Variants in STK38L observed in about 807,000 individuals in gnomAD.
STK38L encodes serine/threonine kinase 38 like.
Under a neutral mutation model 59.7 loss-of-function variants are expected in STK38L, and 28 were observed. The observed-to-expected ratio is 0.47, with a 90% CI of 0.35 to 0.64. The LOEUF is 0.64. Among genes scored for constraint, STK38L ranks in the 30% least tolerant of loss-of-function variants. The pLI is 0.01. For missense variants in STK38L, 314 were observed against 555.8 expected (o/e 0.56, Z 4.37); for synonymous variants, 162 against 176.8 (o/e 0.92, Z 0.66).
At chr12:27,295,794 T>C (rs1006470894) in intron 1 of STK38L, among the ~76,000 whole-genome samples, 1 of 152,216 alleles carries the variant, frequency 6.6e-6, no homozygotes, top group African/African-American at 2.4e-5. Flanking sequence ...CTGCAGAGCA[T>C]GTTAGAGAAG....
intron 1 of STK38L, among the ~76,000 whole-genome samples, chr12:27,272,683 T>C (rs1442551446): frequency 6.6e-6 from 1 of 152,206 alleles, no homozygotes; most frequent in East Asian, 1.9e-4. Flanking sequence ...TTACAAGATG[T>C]AAGTCACTTA....
At chr12:27,257,773 G>A in intron 1 of STK38L, among the ~76,000 whole-genome samples, 1 of 151,976 alleles carries the variant, frequency 6.6e-6, no homozygotes, top group Admixed American at 6.6e-5. Flanking sequence ...CCTTGTGCAT[G>A]ACTTTATTTA....
intron 1 of STK38L, among the ~76,000 whole-genome samples, chr12:27,260,488 C>T (rs1943182063): frequency 6.6e-6 from 1 of 152,084 alleles, no homozygotes; most frequent in Non-Finnish European, 1.5e-5. Context: ...ACTGTCTTTG[C>T]GGGGTTTTAC....
Position 27,297,796 on chromosome 12 carries a change from C to T in STK38L, c.76C>T (p.Leu26Phe), listed in dbSNP as rs1944061871. The T allele has an allele frequency of 6.2e-7, 1 of 1,613,872 alleles. No individual in the cohort carries two copies. Among genetic ancestry groups the T allele is most frequent in the Non-Finnish European group, 8.5e-7 (1 of 1,180,008 alleles). The change falls in exon 2 of 14, where the codon CTC becomes TTC. Residue 26 changes from leucine (L) to phenylalanine (F), a missense_variant. This residue lies in a region of STK38L where 192 missense variants were observed against 316.9 expected (regional missense o/e 0.61). Transcript: ENST00000389032. Reference sequence around the variant, plus strand: ...CCGGGAAAGAGTGACTGTAGCCAAGCTCACATTGGAGAATTTTTATAGCAA... The same window carrying T: ...CCGGGAAAGAGTGACTGTAGCCAAGTTCACATTGGAGAATTTTTATAGCAA... ...HTRERVTVAK[L>F]TLENFYSNLI...
intron 2 of STK38L, chr12:27,298,310 G>C (rs1944079243): frequency 6.5e-6 from 1 of 154,088 alleles, no homozygotes; most frequent in Admixed American, 6.5e-5. Flanking sequence ...GTGGTGGCGG[G>C]TGCCTGTAAT....
In STK38L at chr12:27,308,974, A is replaced by G. The variant is rs1437427425; in HGVS notation, c.310-140A>G. 6.3e-6 allele frequency: 1 copy of G among 158,674 alleles called. No individual in the cohort carries two copies. The highest frequency in any genetic ancestry group is 2.5e-5 in the African/African-American group (1 of 40,810). The allele number at this position is 158,674 out of a possible 1,614,324, so 9.8% of individuals were successfully genotyped here. ...ATAACATATATAAAAATATATAGAT[A>G]TAAAAATATATAGATATATATATAT... On this transcript the variant is annotated intron_variant, in intron 4 of 13. Coordinates refer to ENST00000389032, the MANE Select transcript of STK38L (RefSeq NM_015000.4). The surrounding 1 kb of genome is among the most constrained non-coding windows in gnomAD (Gnocchi z 4.5).
chr12:27,262,010 A>C (rs946586626), intron 1 of STK38L, among the ~76,000 whole-genome samples: 1 of 152,254 alleles, frequency 6.6e-6, no homozygotes, highest in Admixed American at 6.5e-5. Flanking sequence ...CAGCAGCGGC[A>C]GCAGATCTCT....
In STK38L at chr12:27,325,550, T is replaced by C. The variant is rs770828023; in HGVS notation, c.*3095T>C. 2.0e-5 allele frequency: 3 copies of C among 152,148 alleles called. No individual in the cohort carries two copies. The highest frequency in any genetic ancestry group is 2.9e-5 in the Non-Finnish European group (2 of 68,002). 9.4% of individuals were successfully genotyped at this position (152,148 alleles called of 1,614,324 possible). A position where few individuals can be genotyped will look rare whatever the true frequency, so the allele number is the denominator to read the frequency against. On this transcript the variant is annotated 3_prime_UTR_variant, in exon 14 of 14. Transcript: ENST00000389032. ...GCTACCAAACACATTCTCCTTTGAA[T>C]TGTTAAAATTCAGAACATTCAAAAT...
chr12:27,268,645 T>G (rs368832306), intron 1 of STK38L, among the ~76,000 whole-genome samples: 37 of 152,332 alleles, frequency 2.4e-4, no homozygotes, highest in Admixed American at 8.5e-4. Flanking sequence ...GTAATGGGAT[T>G]GCTGGGTCAA....
At chr12:27,317,580 A>G in intron 10 of STK38L, 127 bp downstream of exon 10, 1 of 819,824 alleles carries the variant, frequency 1.2e-6, no homozygotes, top group Non-Finnish European at 1.9e-6. Flanking sequence ...ATGTTCCCCC[A>G]ATGTTAAATA....
At chr12:27,268,761 A>G (rs375808165) in intron 1 of STK38L, among the ~76,000 whole-genome samples, 1 of 152,078 alleles carries the variant, frequency 6.6e-6, no homozygotes, top group African/African-American at 2.4e-5. Context: ...CCTATTTCTC[A>G]ACATCCTCTC....
At chr12:27,268,078 C>T (rs574131822) in intron 1 of STK38L, among the ~76,000 whole-genome samples, 1 of 152,198 alleles carries the variant, frequency 6.6e-6, no homozygotes, top group South Asian at 2.1e-4. Flanking sequence ...TTACAATTAT[C>T]TTCTGCTAGT....
chr12:27,258,237 A>G (rs1349882756), intron 1 of STK38L, among the ~76,000 whole-genome samples: 2 of 152,174 alleles, frequency 1.3e-5, no homozygotes, highest in Non-Finnish European at 2.9e-5. Flanking sequence ...TAAAGACAGG[A>G]TTTCGTTATA....
At chr12:27,301,450 C>A (rs950556133) in intron 2 of STK38L, among the ~76,000 whole-genome samples, 1 of 152,114 alleles carries the variant, frequency 6.6e-6, no homozygotes, top group Admixed American at 6.6e-5. Context: ...TTAGTAGACA[C>A]GGGGTTTCAC....
chr12:27,271,001 A>G (rs538351734), intron 1 of STK38L, among the ~76,000 whole-genome samples: 58 of 152,352 alleles, frequency 3.8e-4, no homozygotes, highest in African/African-American at 1.4e-3. Context: ...GTAAAGGTAC[A>G]GTGATGATAG....
intron 1 of STK38L, among the ~76,000 whole-genome samples, chr12:27,257,942 A>G (rs918435809): frequency 1.3e-5 from 2 of 151,504 alleles, no homozygotes; most frequent in Non-Finnish European, 2.9e-5. Flanking sequence ...GCTCACTGCA[A>G]CTTCTGCCTC....
intron 1 of STK38L, among the ~76,000 whole-genome samples, chr12:27,250,844 A>C (rs1422172717): frequency 6.6e-6 from 1 of 151,666 alleles, no homozygotes; most frequent in East Asian, 1.9e-4. Flanking sequence ...ACTAAAAATA[A>C]AAAAAATAGC....
chr12:27,260,069 C>T (rs1943173437), intron 1 of STK38L, among the ~76,000 whole-genome samples: 1 of 152,132 alleles, frequency 6.6e-6, no homozygotes, highest in Non-Finnish European at 1.5e-5. Flanking sequence ...GTCAGTCTGT[C>T]CATCACTTGT....
chr12:27,297,911 T>A (rs1944065586), intron 2 of STK38L, 57 bp downstream of exon 2: 1 of 1,590,438 alleles, frequency 6.3e-7, no homozygotes. Context: ...GTGCTGTGAG[T>A]GGAATAGAAA....
Sources: gnomAD v4.1 joint callset for allele counts (sites outside exome capture counted in the v4.1 genomes callset) on GRCh38, gnomAD v4.1.1 for gene constraint, gnomAD v4.1.1 regional missense constraint, Gnocchi (gnomAD v3.1) non-coding constraint, MANE v1.5 for transcripts, NCBI Gene and HGNC (gene_info 2026-07-23, HGNC 2026-07-21) for gene names.